COG5: variants seen among roughly 807,000 people sequenced by gnomAD.
COG5 encodes component of oligomeric golgi complex 5, also known as conserved oligomeric Golgi complex subunit 5.
Under a neutral mutation model 110.4 loss-of-function variants are expected in COG5, and 86 were observed. The ratio of observed to expected loss-of-function variants is 0.78; its 90% CI spans 0.65 to 0.93. COG5 has a LOEUF of 0.93. Among genes scored for constraint, COG5 ranks in the 40% least tolerant of loss-of-function variants. The pLI, the probability that COG5 is intolerant of heterozygous loss-of-function variation, is 0.00. For missense variants in COG5, 1,077 were observed against 987.0 expected (o/e 1.09, Z -1.22); for synonymous variants, 360 against 334.6 (o/e 1.08, Z -0.83).
chr7:107,462,030 C>T (rs1008139079), intron 6 of COG5, among the ~76,000 whole-genome samples: 5 of 152,118 alleles, frequency 3.3e-5, no homozygotes, highest in East Asian at 1.9e-4. Context: ...CAAAGCTGGA[C>T]AGAACATAGC....
intron 6 of COG5, among the ~76,000 whole-genome samples, chr7:107,499,902 C>T (rs1208753716): frequency 6.6e-6 from 1 of 150,482 alleles, no homozygotes; most frequent in African/African-American, 2.4e-5. Context: ...CAGCTCACTT[C>T]TCCTCAAGTC....
At chr7:107,421,330 A>AGT (rs1304662074) in intron 6 of COG5, among the ~76,000 whole-genome samples, 2 of 152,302 alleles carry the variant, frequency 1.3e-5, no homozygotes, top group Non-Finnish European at 2.9e-5. Flanking sequence ...ATATATAAAC[A>AGT]GTGACCACTA....
At chr7:107,268,787 A>G (rs1804009264) in intron 14 of COG5, among the ~76,000 whole-genome samples, 1 of 152,180 alleles carries the variant, frequency 6.6e-6, no homozygotes, top group African/African-American at 2.4e-5. Flanking sequence ...TCTAATGTTA[A>G]TATCGTTATG....
At chr7:107,344,260 T>C (rs1484833323) in intron 10 of COG5, among the ~76,000 whole-genome samples, 4 of 152,216 alleles carry the variant, frequency 2.6e-5, no homozygotes, top group Admixed American at 6.5e-5. Flanking sequence ...TAACTTGCCA[T>C]AGTTTCTACA....
At chr7:107,476,184 T>TAAAAAAAAA (rs34741713) in intron 6 of COG5, among the ~76,000 whole-genome samples, 1 of 44,056 alleles carries the variant, frequency 2.3e-5, no homozygotes, top group African/African-American at 1.0e-4. Context: ...GCAATGATTT[T>TAAAAAAAAA]AAAAAAAAAA....
At chr7:107,414,075 T>A (rs148293924) in intron 6 of COG5, among the ~76,000 whole-genome samples, 1 of 152,318 alleles carries the variant, frequency 6.6e-6, no homozygotes, top group East Asian at 1.9e-4. Context: ...ATTTGCACAT[T>A]GAAAGGGTAA....
chr7:107,248,812 TA>T, intron 16 of COG5, among the ~76,000 whole-genome samples: 1 of 152,256 alleles, frequency 6.6e-6, no homozygotes, highest in South Asian at 2.1e-4. Context: ...ACTAATGAGG[TA>T]AAGGTCAAAT....
At chr7:107,557,589 C>G (rs1301129721) in intron 2 of COG5, among the ~76,000 whole-genome samples, 1 of 152,204 alleles carries the variant, frequency 6.6e-6, no homozygotes. Flanking sequence ...GTAATTTCAG[C>G]AAATGCTACA....
chr7:107,306,641 C>A (rs1447179510), intron 11 of COG5, among the ~76,000 whole-genome samples: 1 of 152,146 alleles, frequency 6.6e-6, no homozygotes, highest in Admixed American at 6.5e-5. Context: ...GTTATGGAAT[C>A]CAATACCAAC....
intron 17 of COG5, among the ~76,000 whole-genome samples, chr7:107,240,760 C>A (rs1395070542): frequency 6.6e-6 from 1 of 152,160 alleles, no homozygotes; most frequent in Non-Finnish European, 1.5e-5. Flanking sequence ...AAATGACATG[C>A]CATTACAGAA....
At position 107,554,389 on chromosome 7, in the gene COG5, T is replaced by C. The variant is rs1224577235; in HGVS notation, c.235-47A>G. ...TTAGCTTTTGCTCTGTTAGGTATTC[T>C]TCCTTGTAACCACAATGTAGAATGG... is the stretch of plus-strand genomic sequence containing the variant. On this transcript the variant is annotated intron_variant, in intron 2 of 21. Transcript: ENST00000297135. 4.6e-6 allele frequency: 7 copies of C among 1,525,638 alleles called. No homozygotes were observed. In the Admixed American group the frequency reaches 5.0e-5, roughly 11 times the overall value. The allele number at this position is 1,525,638 out of a possible 1,614,324, so 94.5% of individuals were successfully genotyped here. A position where few individuals can be genotyped will look rare whatever the true frequency, so the allele number is the denominator to read the frequency against.
At chr7:107,318,036 T>G (rs1808912462) in intron 11 of COG5, among the ~76,000 whole-genome samples, 1 of 152,196 alleles carries the variant, frequency 6.6e-6, no homozygotes, top group Non-Finnish European at 1.5e-5. Context: ...CTTTCTTTCT[T>G]TCTTTTTTTT....
rs1810378190 is a variant in COG5, at chr7:107,332,812, T to G, written c.1027-8291A>C. On this transcript the variant is annotated intron_variant, in intron 10 of 21. Coordinates refer to ENST00000297135, the MANE Select transcript of COG5 (RefSeq NM_006348.5). ...AATAAAGGACTCAGGTTTCTGTTGT[T>G]TTAAAAAAATATTTAGATGGTAAAA... Among the ~76,000 whole-genome samples the G allele has an allele frequency of 3.9e-5, 6 of 152,102 alleles. No homozygotes were observed. In the South Asian group the frequency reaches 1.0e-3, roughly 26 times the overall value.
At chr7:107,416,508 A>G (rs1792857490) in intron 6 of COG5, among the ~76,000 whole-genome samples, 1 of 152,196 alleles carries the variant, frequency 6.6e-6, no homozygotes, top group Non-Finnish European at 1.5e-5. Context: ...GAGATAGCAG[A>G]TACGTTATTC....
chr7:107,223,857 T>C (rs1800127365), intron 19 of COG5, among the ~76,000 whole-genome samples: 1 of 152,168 alleles, frequency 6.6e-6, no homozygotes, highest in South Asian at 2.1e-4. Flanking sequence ...TACCTAACTT[T>C]TAAGTGCTGT....
At chr7:107,230,353 T>C (rs1263769819) in intron 19 of COG5, among the ~76,000 whole-genome samples, 1 of 151,990 alleles carries the variant, frequency 6.6e-6, no homozygotes, top group African/African-American at 2.4e-5. Flanking sequence ...AAAAAAAAAA[T>C]TCTCCCCAAG....
At chr7:107,352,987 A>C (rs561062416) in intron 10 of COG5, among the ~76,000 whole-genome samples, 102 of 152,318 alleles carry the variant, frequency 6.7e-4, no homozygotes, top group Middle Eastern at 3.4e-3. Context: ...GCAAAGTATT[A>C]TATAGTACTG....
At chr7:107,277,061 A>C (rs1485917595) in intron 14 of COG5, among the ~76,000 whole-genome samples, 1 of 152,216 alleles carries the variant, frequency 6.6e-6, no homozygotes, top group Non-Finnish European at 1.5e-5. Flanking sequence ...TTAAACTATG[A>C]AATCATCTAA....
intron 5 of COG5, among the ~76,000 whole-genome samples, chr7:107,527,580 C>T (rs796268066): frequency 3.9e-5 from 6 of 152,232 alleles, no homozygotes; most frequent in African/African-American, 1.4e-4. Context: ...TTTCCAGATG[C>T]TAAAGATTCA....
Sources: allele counts gnomAD v4.1 joint callset (sites outside exome capture counted in the v4.1 genomes callset), GRCh38; gene constraint gnomAD v4.1.1; transcripts MANE v1.5; gene names NCBI Gene and HGNC (gene_info 2026-07-23, HGNC 2026-07-21).